Variants in SYTL5 observed in about 807,000 individuals in gnomAD.
SYTL5 encodes the protein synaptotagmin-like protein 5.
SYTL5 carries 34 observed loss-of-function variants against 55.9 expected under a neutral mutation model. The ratio of observed to expected loss-of-function variants is 0.61; its 90% confidence interval spans 0.46 to 0.81. SYTL5 has a LOEUF of 0.81. Ranked by LOEUF, SYTL5 falls within the 30% of genes least tolerant of loss-of-function variation. The pLI is 0.00. For synonymous variants in SYTL5, 221 were observed against 188.7 expected (o/e 1.17, Z -1.40); for missense variants, 637 against 546.7 (o/e 1.17, Z -1.65).
At chrX:38,047,189 G>A (rs1935488483) in intron 2 of SYTL5, among the ~76,000 whole-genome samples, 1 of 112,471 alleles carries the variant, frequency 8.9e-6, no homozygotes, top group Admixed American at 9.3e-5. Flanking sequence ...TGCCCCAGTA[G>A]GGACTCTGTG....
chrX:37,943,441 A>T, the SYTL5 span, among the ~76,000 whole-genome samples: 1 of 111,262 alleles, frequency 9.0e-6, no homozygotes, highest in South Asian at 3.8e-4. Flanking sequence ...CCAAGTGGGG[A>T]TTTACAACCA....
chrX:38,074,956 T>G (rs1054918486), intron 5 of SYTL5, among the ~76,000 whole-genome samples: 15 of 110,362 alleles, frequency 1.4e-4, no homozygotes, highest in Non-Finnish European at 2.1e-4. Flanking sequence ...AATTGTAAGC[T>G]TCTTTAGTGG....
chrX:37,990,034 G>A, the SYTL5 span, among the ~76,000 whole-genome samples: 6 of 109,693 alleles, frequency 5.5e-5, no homozygotes, highest in Middle Eastern at 4.6e-3. Flanking sequence ...CACCACGCCC[G>A]GCTAATTATT....
intron 1 of SYTL5, among the ~76,000 whole-genome samples, chrX:38,022,662 CTT>C (rs1934597494): frequency 1.8e-5 from 2 of 112,338 alleles, no homozygotes; most frequent in African/African-American, 3.2e-5. Context: ...AGGCTAATCT[CTT>C]TATCTCAAGA....
the SYTL5 span, chrX:37,949,458 T>C: frequency 2.7e-5 from 3 of 111,867 alleles, no homozygotes; most frequent in Non-Finnish European, 1.9e-5. Flanking sequence ...TTGTTGTTAT[T>C]CATATTGCTA....
At chrX:37,899,137 C>A in the SYTL5 span, among the ~76,000 whole-genome samples, 1 of 111,779 alleles carries the variant, frequency 8.9e-6, no homozygotes, top group Non-Finnish European at 1.9e-5. Flanking sequence ...TAGAAAAATT[C>A]AATTATTCCC....
At chrX:37,983,729 T>C in the SYTL5 span, among the ~76,000 whole-genome samples, 2,165 of 111,847 alleles carry the variant, frequency 0.019, 59 homozygotes, top group African/African-American at 0.067. Context: ...GAATAGACCA[T>C]GTGCTAGGCC....
chrX:38,064,318 C>T (rs919179735), intron 3 of SYTL5, among the ~76,000 whole-genome samples: 30 of 111,216 alleles, frequency 2.7e-4, no homozygotes, highest in Non-Finnish European at 4.0e-4. Flanking sequence ...ATAAGTGTTT[C>T]CTTTACTTCA....
At chrX:38,064,378 C>T (rs929182903) in intron 3 of SYTL5, among the ~76,000 whole-genome samples, 6 of 111,182 alleles carry the variant, frequency 5.4e-5, no homozygotes, top group African/African-American at 1.3e-4. Flanking sequence ...TTTTCCAAAC[C>T]GATAGATATA....
At chrX:38,045,922 G>A (rs1030288756) in intron 2 of SYTL5, among the ~76,000 whole-genome samples, 6 of 112,073 alleles carry the variant, frequency 5.4e-5, no homozygotes, top group Non-Finnish European at 9.4e-5. Flanking sequence ...GAAGCTGGGC[G>A]GGCGGAAGAA....
chrX:37,908,683 G>A, the SYTL5 span, among the ~76,000 whole-genome samples: 1 of 111,871 alleles, frequency 8.9e-6, no homozygotes, highest in Non-Finnish European at 1.9e-5. Flanking sequence ...TTTTAAGGGT[G>A]CCAAATCACT....
intron 4 of SYTL5, among the ~76,000 whole-genome samples, chrX:38,072,984 T>C (rs1382227588): frequency 9.0e-6 from 1 of 111,609 alleles, no homozygotes; most frequent in African/African-American, 3.3e-5. Flanking sequence ...CGAGAAGGCT[T>C]GGAACTGATT....
the SYTL5 span, among the ~76,000 whole-genome samples, chrX:37,948,740 G>A: frequency 1.8e-5 from 2 of 111,057 alleles, no homozygotes; most frequent in African/African-American, 6.5e-5. Flanking sequence ...TGTTCTCCAG[G>A]TTCCTCCATA....
intron 2 of SYTL5, among the ~76,000 whole-genome samples, chrX:38,048,922 T>G (rs964636781): frequency 1.8e-5 from 2 of 111,919 alleles, no homozygotes; most frequent in Non-Finnish European, 3.8e-5. Context: ...ACAGCACAAA[T>G]GAAAGCATAA....
At chrX:37,900,534 A>G in the SYTL5 span, among the ~76,000 whole-genome samples, 1 of 112,195 alleles carries the variant, frequency 8.9e-6, no homozygotes, top group South Asian at 3.7e-4. Flanking sequence ...AGAAGATGAC[A>G]ATTAAACTGA....
intron 1 of SYTL5, among the ~76,000 whole-genome samples, chrX:38,012,220 C>T (rs890386132): frequency 1.8e-5 from 2 of 112,025 alleles, no homozygotes; most frequent in East Asian, 2.8e-4. Flanking sequence ...TAGACTTCAG[C>T]GGCATTTTTG....
the SYTL5 span, among the ~76,000 whole-genome samples, chrX:37,901,247 C>CCATGGGAGGG: frequency 8.9e-6 from 1 of 112,101 alleles, no homozygotes; most frequent in Admixed American, 9.5e-5. Context: ...CCCAGGTGCT[C>CCATGGGAGGG]TGCCATGAAT....
chrX:38,030,468 T>G (rs1424195036), intron 1 of SYTL5, among the ~76,000 whole-genome samples: 1 of 111,898 alleles, frequency 8.9e-6, no homozygotes, highest in African/African-American at 3.2e-5. Context: ...AAGCTAAATT[T>G]TAACCATAGC....
chrX:37,988,969 G>T, the SYTL5 span, among the ~76,000 whole-genome samples: 1 of 111,582 alleles, frequency 9.0e-6, no homozygotes, highest in African/African-American at 3.3e-5. Flanking sequence ...CATAAATTGA[G>T]GGAAGAACTG....
Sources: allele counts gnomAD v4.1 joint callset (sites outside exome capture counted in the v4.1 genomes callset), GRCh38; gene constraint gnomAD v4.1.1; transcripts MANE v1.5; gene names NCBI Gene and HGNC (gene_info 2026-07-23, HGNC 2026-07-21).